Variants in LIN7B observed in about 807,000 individuals in gnomAD.
LIN7B encodes the protein lin-7 cell polarity scaffold B.
In LIN7B, 16 loss-of-function variants were observed where a neutral mutation model predicts 27.9. That is an observed-to-expected ratio of 0.57 (90% confidence interval 0.39 to 0.87). The LOEUF (loss-of-function observed/expected upper bound fraction) is 0.87. Among genes scored for constraint, LIN7B ranks in the 40% least tolerant of loss-of-function variants. The probability of loss-of-function intolerance (pLI) is 0.00; values close to 1 mark genes in which losing one functional copy is unlikely to be tolerated. For missense variants in LIN7B, 291 were observed against 288.5 expected, an observed-to-expected ratio of 1.01 and a Z score of -0.06; for synonymous variants, 147 against 120.8, an observed-to-expected ratio of 1.22 and a Z score of -1.42.
At chr19:49,115,957 C>T in intron 3 of LIN7B, 1 of 250,174 alleles carries the variant, frequency 4.0e-6, no homozygotes. Flanking sequence ...TTGCAGTGAG[C>T]CGAGATCATG....
At position 49,114,440 on chromosome 19, in the gene LIN7B, G is replaced by C; in HGVS notation, c.36G>C (p.Arg12=). The C allele has an allele frequency of 8.3e-7, 1 of 1,208,314 alleles. No homozygotes were observed. Among genetic ancestry groups the C allele is most frequent in the Non-Finnish European group, 1.0e-6 (1 of 972,812 alleles). 74.8% of individuals were successfully genotyped at this position (1,208,314 alleles called of 1,614,324 possible). ...AALVEPLGLE[R]DVSRAVELLE... is the part of the protein sequence containing the mutation. Reference sequence around the variant, plus strand: ...TGGTGGAGCCGCTGGGGCTGGAGCGGGGTAAGCGTGCGCCAGGGGGCCCTG... The same window carrying C: ...TGGTGGAGCCGCTGGGGCTGGAGCGCGGTAAGCGTGCGCCAGGGGGCCCTG... The change falls in exon 1 of 6, where the codon CGG becomes CGC. Residue 12 remains arginine (R), a splice_region_variant and synonymous_variant. Coordinates refer to ENST00000221459, the MANE Select transcript of LIN7B (RefSeq NM_022165.3).
intron 1 of LIN7B, 115 bp downstream of exon 1, chr19:49,114,556 G>C (rs1321760131): frequency 2.3e-6 from 2 of 864,658 alleles, no homozygotes; most frequent in Non-Finnish European, 3.0e-6. Flanking sequence ...CCCGGAGGGG[G>C]TGGGCGGGGC....
Position 49,116,475 on chromosome 19 carries a change from G to A in LIN7B, c.438+3G>A. The A allele has an allele frequency of 6.2e-7, 1 of 1,613,388 alleles. No individual in the cohort carries two copies. The highest frequency in any genetic ancestry group is 8.5e-7 in the Non-Finnish European group (1 of 1,179,448). ...AACTGTTGTCGGTGAACGGTGTGGTGAGTGGAGGGCTGAGGCAGGACTGGG... is the reference window on the plus strand; with the variant it reads ...AACTGTTGTCGGTGAACGGTGTGGTAAGTGGAGGGCTGAGGCAGGACTGGG... On this transcript the variant is annotated splice_donor_region_variant and intron_variant, in intron 4 of 5. Coordinates refer to ENST00000221459, the MANE Select transcript of LIN7B (RefSeq NM_022165.3).
rs547089565 is a variant in LIN7B at position 49,116,101 on chromosome 19, G to A, written c.229-162G>A. The A allele has an allele frequency of 2.7e-4, 163 of 596,940 alleles. 1 individual carries two copies. The highest frequency in any genetic ancestry group is 2.6e-3 in the African/African-American group (142 of 53,862). 37.0% of individuals were successfully genotyped at this position (596,940 alleles called of 1,614,324 possible). A position where few individuals can be genotyped will look rare whatever the true frequency, so the allele number is the denominator to read the frequency against. ...CTCTTGCAAGTGAACAGAAAGAGAC[G>A]CACAGTCATTACAGGGGGATCGTGC... On this transcript the variant is annotated intron_variant, in intron 3 of 5. Transcript: ENST00000221459.
intron 3 of LIN7B, 124 bp from the exon 4 acceptor site, chr19:49,116,139 C>A: frequency 2.8e-6 from 2 of 713,322 alleles, no homozygotes; most frequent in South Asian, 1.8e-5. Context: ...TGTGCCATGA[C>A]AAGTGTCCCA....
chr19:49,114,788 C>T, intron 1 of LIN7B, 61 bp from the exon 2 acceptor site: 1 of 1,040,508 alleles, frequency 9.6e-7, no homozygotes, highest in South Asian at 1.9e-5. Flanking sequence ...GCTCTCCTTG[C>T]TTCTCTGCGT....
intron 4 of LIN7B, among the ~76,000 whole-genome samples, chr19:49,117,500 G>C (rs538224859): frequency 6.6e-6 from 1 of 152,092 alleles, no homozygotes; most frequent in South Asian, 2.1e-4. Flanking sequence ...GAGGAGGCTG[G>C]GGTAAGAGTC....
At chr19:49,115,534 G>C in intron 3 of LIN7B, 1 of 570,758 alleles carries the variant, frequency 1.8e-6, no homozygotes, top group Non-Finnish European at 3.1e-6. Flanking sequence ...GAAACAGTAT[G>C]GCATGGTTGG....
At chr19:49,115,151 G>A (rs906846144) in intron 2 of LIN7B, 109 bp from the exon 3 acceptor site, 1 of 1,029,694 alleles carries the variant, frequency 9.7e-7, no homozygotes, top group Non-Finnish European at 1.4e-6. Flanking sequence ...CTGTTGCGGG[G>A]GCGGGGCGGA....
chr19:49,118,197 C>A (rs2040867280), intron 5 of LIN7B, 155 bp from the exon 6 acceptor site: 1 of 1,296,928 alleles, frequency 7.7e-7, no homozygotes, highest in Non-Finnish European at 1.1e-6. Flanking sequence ...CCCTGGGGAG[C>A]CCTTAGCTTC....
chr19:49,118,270 T>C (rs1454908605), intron 5 of LIN7B, 82 bp from the exon 6 acceptor site: 5 of 1,518,442 alleles, frequency 3.3e-6, no homozygotes, highest in Non-Finnish European at 4.6e-6. Flanking sequence ...ACCTGGGCCC[T>C]TGCCTCTGCA....
intron 1 of LIN7B, 189 bp downstream of exon 1, chr19:49,114,630 G>A: frequency 2.0e-6 from 1 of 488,788 alleles, no homozygotes; most frequent in Non-Finnish European, 3.2e-6. Context: ...GGGACGCTGG[G>A]CGCCCGCCTT....
intron 5 of LIN7B, 83 bp downstream of exon 5, chr19:49,118,101 G>A (rs2040864223): frequency 1.9e-6 from 3 of 1,565,554 alleles, no homozygotes; most frequent in African/African-American, 2.7e-5. Flanking sequence ...AGTGCTTCCT[G>A]GATCTTCCAG....
At chr19:49,116,502 G>C in intron 4 of LIN7B, 30 bp downstream of exon 4, 1 of 1,580,836 alleles carries the variant, frequency 6.3e-7, no homozygotes, top group Non-Finnish European at 8.7e-7. Flanking sequence ...AGGACTGGGG[G>C]ACACAGTCTG....
At position 49,116,293 on chromosome 19, in the gene LIN7B, G is replaced by T; in HGVS notation, c.259G>T (p.Gly87Cys). 6.2e-7 allele frequency: 1 copy of T among 1,613,918 alleles called. No homozygotes were observed. Among genetic ancestry groups the T allele is most frequent in the East Asian group, 2.2e-5 (1 of 44,890 alleles). ...ATVAAFTASE[G>C]HAHPRVVELP... ...AGTGGCTGCCTTCACAGCCAGCGAG[G>T]GCCACGCACATCCCAGGGTAGTGGA... Residue 87 changes from glycine to cysteine, a missense_variant, in exon 4 of 6, where the codon GGC becomes TGC. Coordinates refer to ENST00000221459, the MANE Select transcript of LIN7B (RefSeq NM_022165.3).
chr19:49,117,696 G>C (rs1009281295), intron 4 of LIN7B, among the ~76,000 whole-genome samples, 159 bp from the exon 5 acceptor site: 26 of 152,168 alleles, frequency 1.7e-4, no homozygotes, highest in African/African-American at 6.3e-4. Context: ...TTTTGGAGGA[G>C]GACACTGAAC....
rs763102165 is a variant in LIN7B at position 49,116,286 on chromosome 19, C to T, written c.252C>T (p.Ala84=). ...AGGCCACAGTGGCTGCCTTCACAGCCAGCGAGGGCCACGCACATCCCAGGG... is the reference window on the plus strand; with the variant it reads ...AGGCCACAGTGGCTGCCTTCACAGCTAGCGAGGGCCACGCACATCCCAGGG... ...TAKATVAAFT[A]SEGHAHPRVV... The change falls in exon 4 of 6, where the codon GCC becomes GCT. Residue 84 remains alanine (A), a synonymous_variant. Transcript: ENST00000221459. 6.2e-7 allele frequency: 1 copy of T among 1,613,704 alleles called. No individual in the cohort carries two copies. Among genetic ancestry groups the T allele is most frequent in the Non-Finnish European group, 8.5e-7 (1 of 1,179,786 alleles).
In LIN7B at chr19:49,116,303, A is replaced by G. The variant is rs1258150679; in HGVS notation, c.269A>G (p.His90Arg). 1 of 1,614,068 alleles carries G rather than the reference A, an allele frequency of 6.2e-7. No individual in the cohort carries two copies. Among genetic ancestry groups the G allele is most frequent in the South Asian group, 1.1e-5 (1 of 91,060 alleles). The change falls in exon 4 of 6, where the codon CAT becomes CGT. Residue 90 changes from histidine (H) to arginine (R), a missense_variant. By Grantham distance (29) the His-to-Arg change is conservative. Coordinates refer to ENST00000221459, the MANE Select transcript of LIN7B (RefSeq NM_022165.3). ...TTCACAGCCAGCGAGGGCCACGCAC[A>G]TCCCAGGGTAGTGGAGCTACCCAAG... ...AAFTASEGHA[H>R]PRVVELPKTD...
chr19:49,117,911 C>A lies in LIN7B; in HGVS notation c.495C>A (p.Gly165=). The part of the protein sequence containing the change: ...KAVELLKAAQ[G]SVKLVVRYTP... ...TGGAGCTGCTGAAGGCGGCCCAGGGCTCGGTGAAGCTGGTTGTCCGTTACA... is the reference window on the plus strand; with the variant it reads ...TGGAGCTGCTGAAGGCGGCCCAGGGATCGGTGAAGCTGGTTGTCCGTTACA... The change falls in exon 5 of 6, where the codon GGC becomes GGA. Residue 165 remains glycine, a synonymous_variant. Coordinates refer to ENST00000221459, the MANE Select transcript of LIN7B (RefSeq NM_022165.3). 6.2e-7 allele frequency: 1 copy of A among 1,614,106 alleles called. No individual in the cohort carries two copies. Among genetic ancestry groups the A allele is most frequent in the Non-Finnish European group, 8.5e-7 (1 of 1,179,988 alleles).
Sources: allele counts gnomAD v4.1 joint callset (sites outside exome capture counted in the v4.1 genomes callset), GRCh38; gene constraint gnomAD v4.1.1; transcripts MANE v1.5; gene names NCBI Gene and HGNC (gene_info 2026-07-23, HGNC 2026-07-21).